The following BTBD9 variants were observed in gnomAD, a reference collection of about 807,000 sequenced individuals.
The protein encoded by BTBD9 is BTB domain containing 9, also known as BTB/POZ domain-containing protein 9.
Under a neutral mutation model 64.3 loss-of-function variants are expected in BTBD9, and 49 were observed. The observed-to-expected ratio is 0.76, with a 90% CI of 0.61 to 0.97. BTBD9 has a LOEUF of 0.97. Ranked by LOEUF, BTBD9 falls within the 50% of genes least tolerant of loss-of-function variation. The probability of loss-of-function intolerance (pLI) is 0.00; values close to 1 mark genes in which losing one functional copy is unlikely to be tolerated. For synonymous variants in BTBD9, 260 were observed against 274.7 expected (o/e 0.95, Z 0.53); for missense variants, 598 against 762.1 (o/e 0.78, Z 2.53).
At chr6:38,590,673 T>G (rs903912155) in intron 4 of BTBD9, among the ~76,000 whole-genome samples, 2 of 152,232 alleles carry the variant, frequency 1.3e-5, no homozygotes, top group African/African-American at 4.8e-5. Flanking sequence ...AGCATCTTCT[T>G]CAAAGAAGTA....
chr6:38,550,251 G>C (rs1774736018), intron 6 of BTBD9, among the ~76,000 whole-genome samples: 1 of 151,904 alleles, frequency 6.6e-6, no homozygotes, highest in Middle Eastern at 3.4e-3. Context: ...GTCTAACATA[G>C]TTCTATCCTT....
intron 6 of BTBD9, among the ~76,000 whole-genome samples, chr6:38,556,528 T>C (rs921447140): frequency 3.8e-4 from 19 of 49,706 alleles, no homozygotes; most frequent in African/African-American, 2.4e-3. Context: ...TGTGTGTGTG[T>C]GTGTGTGTGT....
At chr6:38,627,362 G>C (rs962599487) in intron 1 of BTBD9, among the ~76,000 whole-genome samples, 1 of 152,142 alleles carries the variant, frequency 6.6e-6, no homozygotes, top group South Asian at 2.1e-4. Flanking sequence ...GTACTGATAT[G>C]GAACAGCCTC....
chr6:38,477,506 CAG>C (rs756767376), intron 6 of BTBD9, among the ~76,000 whole-genome samples: 102 of 142,426 alleles, frequency 7.2e-4, no homozygotes, highest in African/African-American at 2.4e-3. Context: ...GTTTAGCAAA[CAG>C]AGTTATCTTT....
chr6:38,186,091 T>C (rs539640447), intron 10 of BTBD9, among the ~76,000 whole-genome samples: 2 of 152,258 alleles, frequency 1.3e-5, no homozygotes, highest in Admixed American at 6.5e-5. Flanking sequence ...GTGCATATGC[T>C]CCTTTAGGAC....
intron 7 of BTBD9, among the ~76,000 whole-genome samples, chr6:38,297,725 T>A (rs566848833): frequency 6.6e-6 from 1 of 152,308 alleles, no homozygotes; most frequent in South Asian, 2.1e-4. Context: ...ACTGGCAGAT[T>A]TACATGACTC....
intron 6 of BTBD9, among the ~76,000 whole-genome samples, chr6:38,562,947 T>C (rs536908640): frequency 6.6e-6 from 1 of 152,196 alleles, no homozygotes; most frequent in African/African-American, 2.4e-5. Context: ...GTAAAACTGC[T>C]CCTGCCAAGG....
intron 6 of BTBD9, among the ~76,000 whole-genome samples, chr6:38,468,742 T>C (rs1770507149): frequency 6.6e-6 from 1 of 152,202 alleles, no homozygotes; most frequent in Non-Finnish European, 1.5e-5. Context: ...CCAGAAAAGA[T>C]ACTCAAACAT....
chr6:38,628,876 G>A (rs1778266533), intron 1 of BTBD9, among the ~76,000 whole-genome samples: 1 of 152,106 alleles, frequency 6.6e-6, no homozygotes, highest in Non-Finnish European at 1.5e-5. Flanking sequence ...TGGAGAAATA[G>A]CTGATTCCAG....
At chr6:38,218,224 T>C (rs1227762469) in intron 9 of BTBD9, among the ~76,000 whole-genome samples, 1 of 152,214 alleles carries the variant, frequency 6.6e-6, no homozygotes, top group Non-Finnish European at 1.5e-5. Flanking sequence ...AAGAGCCAGA[T>C]AGTAAATATT....
chr6:38,416,776 A>C (rs1358940118), intron 6 of BTBD9, among the ~76,000 whole-genome samples: 1 of 152,174 alleles, frequency 6.6e-6, no homozygotes, highest in Admixed American at 6.5e-5. Flanking sequence ...CAGTCACCAA[A>C]GGGCTCAGCC....
At chr6:38,366,040 A>G (rs1411826047) in intron 6 of BTBD9, among the ~76,000 whole-genome samples, 1 of 152,178 alleles carries the variant, frequency 6.6e-6, no homozygotes, top group Non-Finnish European at 1.5e-5. Flanking sequence ...TCTGGTTCTC[A>G]TCTTTGCTTC....
chr6:38,568,324 T>G (rs557693109), intron 6 of BTBD9, among the ~76,000 whole-genome samples: 7 of 152,346 alleles, frequency 4.6e-5, no homozygotes, highest in Admixed American at 3.9e-4. Flanking sequence ...GATCTAATTG[T>G]CCCTCCATCT....
chr6:38,259,545 G>A (rs887862123), intron 8 of BTBD9, among the ~76,000 whole-genome samples: 2 of 152,100 alleles, frequency 1.3e-5, no homozygotes, highest in Admixed American at 6.6e-5. Context: ...TGGGATTACA[G>A]GCACACACTA....
At chr6:38,412,714 C>G (rs1167750717) in intron 6 of BTBD9, among the ~76,000 whole-genome samples, 1 of 152,056 alleles carries the variant, frequency 6.6e-6, no homozygotes, top group Non-Finnish European at 1.5e-5. Flanking sequence ...CAAAAATTAG[C>G]CGGATGTGAT....
intron 9 of BTBD9, among the ~76,000 whole-genome samples, chr6:38,228,909 A>C (rs1010114339): frequency 6.6e-6 from 1 of 150,888 alleles, no homozygotes; most frequent in Non-Finnish European, 1.5e-5. Context: ...AAACAAAAAC[A>C]GTCTCTAGGC....
intron 6 of BTBD9, among the ~76,000 whole-genome samples, chr6:38,394,847 T>C (rs1301209642): frequency 1.3e-5 from 2 of 152,062 alleles, no homozygotes; most frequent in Non-Finnish European, 2.9e-5. Flanking sequence ...AAAATGAATC[T>C]CTCAATCCTA....
chr6:38,418,845 C>T (rs960532836), intron 6 of BTBD9, among the ~76,000 whole-genome samples: 1 of 152,110 alleles, frequency 6.6e-6, no homozygotes, highest in Admixed American at 6.5e-5. Context: ...CACAGTGGCG[C>T]GTGCCTATAG....
chr6:38,348,235 A>C (rs1252221558), intron 6 of BTBD9, among the ~76,000 whole-genome samples: 1 of 152,214 alleles, frequency 6.6e-6, no homozygotes, highest in Non-Finnish European at 1.5e-5. Flanking sequence ...TTTTTCTGAA[A>C]AACAAAACAA....
Sources: gnomAD v4.1 joint callset for allele counts (sites outside exome capture counted in the v4.1 genomes callset) on GRCh38, gnomAD v4.1.1 for gene constraint, MANE v1.5 for transcripts, NCBI Gene and HGNC (gene_info 2026-07-23, HGNC 2026-07-21) for gene names.